The following TMEM144 variants were observed in gnomAD, a reference collection of about 807,000 sequenced individuals.
TMEM144 encodes the protein transmembrane protein 144.
TMEM144 carries 39 observed loss-of-function variants against 43.6 expected under a neutral mutation model. The observed-to-expected ratio is 0.90, with a 90% CI of 0.69 to 1.17. The LOEUF is 1.17. TMEM144 is among the 50% of genes most tolerant of loss of function. The pLI, the probability that TMEM144 is intolerant of heterozygous loss-of-function variation, is 0.00. For missense variants in TMEM144, 417 were observed against 411.9 expected, an observed-to-expected ratio of 1.01 and a Z score of -0.11; for synonymous variants, 154 against 133.6, an observed-to-expected ratio of 1.15 and a Z score of -1.06.
At chr4:158,240,551 T>A in intron 10 of TMEM144, 133 bp downstream of exon 10, 1 of 877,586 alleles carries the variant, frequency 1.1e-6, no homozygotes. Flanking sequence ...TGTGTGTGTG[T>A]GTGTGTGCAT....
At chr4:158,236,469 G>C (rs2111135390) in intron 8 of TMEM144, among the ~76,000 whole-genome samples, 1 of 152,074 alleles carries the variant, frequency 6.6e-6, no homozygotes, top group South Asian at 2.1e-4. Flanking sequence ...TATTAGTCTT[G>C]TCTGCGTTTG....
chr4:158,244,593 C>G (rs554919236), intron 12 of TMEM144, among the ~76,000 whole-genome samples: 15 of 152,188 alleles, frequency 9.9e-5, no homozygotes, highest in Middle Eastern at 3.4e-3. Context: ...TTGCTTGAAC[C>G]CGGGAGGCGG....
At chr4:158,218,089 A>G (rs1734322029) in intron 5 of TMEM144, among the ~76,000 whole-genome samples, 2 of 152,200 alleles carry the variant, frequency 1.3e-5, no homozygotes, top group African/African-American at 4.8e-5. Flanking sequence ...TCCCAGCTCT[A>G]GCGTTGTGTT....
chr4:158,244,388 G>C, intron 12 of TMEM144, 39 bp downstream of exon 12: 1 of 1,551,890 alleles, frequency 6.4e-7, no homozygotes, highest in Non-Finnish European at 8.9e-7. Flanking sequence ...AATGGGAATG[G>C]GGTAGGCCGG....
intron 6 of TMEM144, 41 bp from the exon 7 acceptor site, chr4:158,232,860 A>C (rs371843299): frequency 1.5e-6 from 2 of 1,362,998 alleles, no homozygotes; most frequent in Non-Finnish European, 2.1e-6. Context: ...GATATAAACC[A>C]GTATTATGAT....
chr4:158,245,308 G>A (rs1007155358), intron 12 of TMEM144, among the ~76,000 whole-genome samples: 11 of 149,126 alleles, frequency 7.4e-5, no homozygotes, highest in Non-Finnish European at 1.3e-4. Context: ...ATGGTGGCAT[G>A]CATCTATATT....
chr4:158,245,262 GTA>G (rs138025135), intron 12 of TMEM144, among the ~76,000 whole-genome samples: 20,250 of 59,498 alleles, frequency 0.34, 1,895 homozygotes, highest in South Asian at 0.37. Context: ...GTGTGTGTGT[GTA>G]TGTATGTTTT....
intron 12 of TMEM144, 72 bp from the exon 13 acceptor site, chr4:158,253,372 C>G (rs1736308293): frequency 7.5e-7 from 1 of 1,332,722 alleles, no homozygotes; most frequent in Non-Finnish European, 1.1e-6. Flanking sequence ...CCCTAGCAAT[C>G]TTGAGAGTCT....
Position 158,253,810 on chromosome 4 carries a change from C to T in TMEM144, c.*283C>T, listed in dbSNP as rs1436959947. 1 of 371,330 alleles carries T rather than the reference C, an allele frequency of 2.7e-6. No individual in the cohort carries two copies. Among genetic ancestry groups the T allele is most frequent in the Non-Finnish European group, 5.0e-6 (1 of 199,472 alleles). 23.0% of individuals were successfully genotyped at this position (371,330 alleles called of 1,614,324 possible). A position where few individuals can be genotyped will look rare whatever the true frequency, so the allele number is the denominator to read the frequency against. Reference sequence around the variant, plus strand: ...TATTATAGCATTACATACGAGGATGCTCTTTTTACCACAGTATGTACCTAG... The same window carrying T: ...TATTATAGCATTACATACGAGGATGTTCTTTTTACCACAGTATGTACCTAG... On this transcript the variant is annotated 3_prime_UTR_variant, in exon 13 of 13. Coordinates refer to ENST00000296529, the MANE Select transcript of TMEM144 (RefSeq NM_018342.5).
At chr4:158,247,234 T>A (rs2111152044) in intron 12 of TMEM144, among the ~76,000 whole-genome samples, 1 of 152,074 alleles carries the variant, frequency 6.6e-6, no homozygotes, top group Non-Finnish European at 1.5e-5. Flanking sequence ...GTACAGTATG[T>A]CTATCAAAAC....
rs200578202 is a variant in TMEM144, at chr4:158,253,475, C to G, written c.986C>G (p.Ala329Gly). ...CAAAACTACCTATTAATGATACTTG[C>G]ATTTTGCATCATCTTGACTGGAGCC... ...GLQNYLLMIL[A>G]FCIILTGALC... Residue 329 changes from alanine to glycine, a missense_variant, in exon 13 of 13, where the codon GCA (alanine) becomes GGA (glycine). Transcript: ENST00000296529. 7 of 1,613,588 alleles carry G rather than the reference C, an allele frequency of 4.3e-6. No homozygotes were observed. Among genetic ancestry groups the G allele is most frequent in the South Asian group, 1.1e-5 (1 of 91,054 alleles).
At chr4:158,235,339 A>C in intron 7 of TMEM144, 99 bp from the exon 8 acceptor site, 1 of 1,219,156 alleles carries the variant, frequency 8.2e-7, no homozygotes, top group South Asian at 1.5e-5. Flanking sequence ...ATTTTAAAGC[A>C]TGTTTGAAAG....
intron 9 of TMEM144, among the ~76,000 whole-genome samples, chr4:158,237,875 TCAA>T (rs1180932707): frequency 6.6e-6 from 1 of 152,202 alleles, no homozygotes; most frequent in Non-Finnish European, 1.5e-5. Context: ...TACTTGGATC[TCAA>T]CACATGGTTT....
At chr4:158,222,801 G>A (rs538470415) in intron 6 of TMEM144, among the ~76,000 whole-genome samples, 2 of 152,334 alleles carry the variant, frequency 1.3e-5, no homozygotes, top group Non-Finnish European at 2.9e-5. Context: ...TTTACTAAGT[G>A]TGTGATGTAC....
chr4:158,244,440 G>A, intron 12 of TMEM144, 91 bp downstream of exon 12: 2 of 1,019,470 alleles, frequency 2.0e-6, no homozygotes, highest in Middle Eastern at 2.1e-4. Context: ...GGGAGGCCGA[G>A]GCAGGTGGAT....
At chr4:158,217,227 C>A in intron 4 of TMEM144, 94 bp from the exon 5 acceptor site, 4 of 795,958 alleles carry the variant, frequency 5.0e-6, no homozygotes, top group Non-Finnish European at 5.7e-6. Flanking sequence ...AAATCACATG[C>A]ACTTCAGTTG....
At chr4:158,230,259 G>C (rs1735008719) in intron 6 of TMEM144, among the ~76,000 whole-genome samples, 3 of 152,200 alleles carry the variant, frequency 2.0e-5, no homozygotes, top group Admixed American at 2.0e-4. Flanking sequence ...GCTCTCAGGT[G>C]GGCCACTAGA....
chr4:158,227,291 T>A (rs1734822837), intron 6 of TMEM144, among the ~76,000 whole-genome samples: 1 of 152,164 alleles, frequency 6.6e-6, no homozygotes, highest in Admixed American at 6.5e-5. Flanking sequence ...TTTTTTCTGT[T>A]AACAAAGCAG....
chr4:158,229,075 G>C (rs929874923), intron 6 of TMEM144, among the ~76,000 whole-genome samples: 10 of 152,106 alleles, frequency 6.6e-5, no homozygotes, highest in Admixed American at 6.6e-4. Context: ...GCCATTGGTC[G>C]ATCTTTAACT....
Sources: gnomAD v4.1 joint callset for allele counts (sites outside exome capture counted in the v4.1 genomes callset) on GRCh38, gnomAD v4.1.1 for gene constraint, MANE v1.5 for transcripts, NCBI Gene and HGNC (gene_info 2026-07-23, HGNC 2026-07-21) for gene names.